Variants in PRKAR1B observed in about 807,000 individuals in gnomAD.
PRKAR1B encodes protein kinase cAMP-dependent type I regulatory subunit beta.
Under a neutral mutation model 46.5 loss-of-function variants are expected in PRKAR1B, and 22 were observed. The observed-to-expected ratio is 0.47, with a 90% confidence interval of 0.34 to 0.68. PRKAR1B has a LOEUF of 0.68. PRKAR1B is among the 30% of genes least tolerant of loss of function. The probability of loss-of-function intolerance (pLI) is 0.01; values close to 1 mark genes in which losing one functional copy is unlikely to be tolerated. For missense variants in PRKAR1B, 445 were observed against 535.6 expected (o/e 0.83, Z 1.67); for synonymous variants, 259 against 217.7 (o/e 1.19, Z -1.67).
intron 4 of PRKAR1B, among the ~76,000 whole-genome samples, chr7:652,200 C>T (rs1445610725): frequency 2.3e-5 from 3 of 132,338 alleles, no homozygotes; most frequent in Non-Finnish European, 3.2e-5. Flanking sequence ...ACCCGCACAG[C>T]GCTAGGAACC....
At chr7:647,067 G>A (rs1001663405) in intron 4 of PRKAR1B, among the ~76,000 whole-genome samples, 11 of 152,176 alleles carry the variant, frequency 7.2e-5, no homozygotes, top group East Asian at 5.8e-4. Context: ...GGCATGGGAC[G>A]CAACATGGCC....
At chr7:652,698 T>A (rs1242371687) in intron 4 of PRKAR1B, among the ~76,000 whole-genome samples, 1 of 152,256 alleles carries the variant, frequency 6.6e-6, no homozygotes, top group East Asian at 1.9e-4. Context: ...TTTTCCCAGC[T>A]TGCTGTCCAG....
intron 9 of PRKAR1B, among the ~76,000 whole-genome samples, chr7:557,263 C>T (rs1583196888): frequency 6.6e-6 from 1 of 152,246 alleles, no homozygotes; most frequent in Non-Finnish European, 1.5e-5. Context: ...GTCTCAGCCG[C>T]GTGACACCCG....
chr7:585,790 C>T (rs112770388), intron 7 of PRKAR1B, among the ~76,000 whole-genome samples: 7,263 of 152,170 alleles, frequency 0.048, 506 homozygotes, highest in African/African-American at 0.15. Flanking sequence ...ATAGGAACCA[C>T]GGAACCAAGA....
chr7:694,585 A>G (rs898896294), intron 2 of PRKAR1B, among the ~76,000 whole-genome samples: 1 of 150,682 alleles, frequency 6.6e-6, no homozygotes, highest in Admixed American at 6.6e-5. Flanking sequence ...TGCCACCTCC[A>G]TAGGAAGTTT....
chr7:642,459 C>T (rs556424027), intron 4 of PRKAR1B, among the ~76,000 whole-genome samples: 1 of 151,740 alleles, frequency 6.6e-6, no homozygotes, highest in East Asian at 1.9e-4. Context: ...GGCGCGGTGG[C>T]TCACGCCTGT....
Position 726,596 on chromosome 7 carries a change from G to A in PRKAR1B, c.-23+614C>T, listed in dbSNP as rs555292739. ...GAGCACGACAAGAGCACAGGCCCAC[G>A]TGCGCACCGGCGGGGAGGAAGTAGC... On this transcript the variant is annotated intron_variant, in intron 1 of 10. Transcript: ENST00000537384. 1.5e-3 allele frequency: 1,092 copies of A among 725,284 alleles called. 6 individuals carry two copies. The highest frequency in any genetic ancestry group is 0.012 in the Middle Eastern group (26 of 2,232). 44.9% of individuals were successfully genotyped at this position (725,284 alleles called of 1,614,324 possible). A position where few individuals can be genotyped will look rare whatever the true frequency, so the allele number is the denominator to read the frequency against.
intron 4 of PRKAR1B, among the ~76,000 whole-genome samples, chr7:657,101 GTGAATGCA>G (rs892125585): frequency 4.7e-5 from 7 of 150,268 alleles, no homozygotes; most frequent in Non-Finnish European, 8.9e-5. Flanking sequence ...GGATGCATGA[GTGAATGCA>G]TGGATGGATG....
chr7:607,105 G>T (rs1333911650), intron 5 of PRKAR1B, among the ~76,000 whole-genome samples: 1 of 152,110 alleles, frequency 6.6e-6, no homozygotes, highest in Non-Finnish European at 1.5e-5. Context: ...CCAGGTTCAA[G>T]CGATTCTCCT....
rs1444817955 is a variant in PRKAR1B at position 613,707 on chromosome 7, GA to G, written c.441-6256del. Among the ~76,000 whole-genome samples the G allele has an allele frequency of 2.0e-5, 3 of 152,324 alleles. No homozygotes were observed. The East Asian group carries it at 5.8e-4, about 29-fold the overall frequency. Reference sequence around the variant, plus strand: ...CCGACCAACACGGTACACCGAGGGTGAAAAAGCCACGACCAGGCCCACCTGG... The same window carrying G: ...CCGACCAACACGGTACACCGAGGGTGAAAAGCCACGACCAGGCCCACCTGG... On this transcript the variant is annotated intron_variant, in intron 4 of 10. Transcript: ENST00000537384.
At chr7:709,075 G>A (rs1267769368) in intron 2 of PRKAR1B, among the ~76,000 whole-genome samples, 1 of 129,538 alleles carries the variant, frequency 7.7e-6, no homozygotes, top group Non-Finnish European at 1.6e-5. Flanking sequence ...ACAGGTGTGA[G>A]CCACCGCACC....
intron 2 of PRKAR1B, among the ~76,000 whole-genome samples, chr7:696,357 C>T (rs1227229053): frequency 2.6e-5 from 4 of 151,942 alleles, no homozygotes; most frequent in Admixed American, 6.6e-5. Context: ...CTGCAGCCTC[C>T]GCCTCAAGGC....
In PRKAR1B at chr7:685,357, TATATATACACATATATATATATACATAC is replaced by T. The variant is rs1562615983; in HGVS notation, c.178-4659_178-4632del. On this transcript the variant is annotated intron_variant, in intron 2 of 10. Transcript: ENST00000537384. Reference sequence around the variant, plus strand: ...ATATACGTATATATATGTATACATATATATATACACATATATATATATACATACATATATATATATATATGTATATATA... The same window carrying T: ...ATATACGTATATATATGTATACATATATATATATATATATATGTATATATA... 7.4e-5 allele frequency among the ~76,000 whole-genome samples: 5 copies of T among 67,984 alleles called. 1 individual carries two copies. Among genetic ancestry groups the T allele is most frequent in the Admixed American group, 1.9e-4 (1 of 5,274 alleles). 44.6% of individuals were successfully genotyped at this position (67,984 alleles called of 152,430 possible). A position where few individuals can be genotyped will look rare whatever the true frequency, so the allele number is the denominator to read the frequency against.
At chr7:708,880 C>A (rs1434120115) in intron 2 of PRKAR1B, among the ~76,000 whole-genome samples, 1 of 151,362 alleles carries the variant, frequency 6.6e-6, no homozygotes, top group African/African-American at 2.4e-5. Context: ...CAACCTCCAC[C>A]TCCCGGGTTC....
At chr7:651,632 C>T (rs1427487960) in intron 4 of PRKAR1B, among the ~76,000 whole-genome samples, 1 of 151,920 alleles carries the variant, frequency 6.6e-6, no homozygotes, top group East Asian at 1.9e-4. Context: ...AGTTCACACC[C>T]ACACAGCGCT....
intron 9 of PRKAR1B, among the ~76,000 whole-genome samples, chr7:573,436 A>G (rs1779639377): frequency 6.6e-6 from 1 of 151,648 alleles, no homozygotes; most frequent in African/African-American, 2.4e-5. Context: ...GCCCCTCCTC[A>G]GAGCCTTTCC....
intron 9 of PRKAR1B, among the ~76,000 whole-genome samples, chr7:553,856 GC>G (rs1341080100): frequency 6.6e-6 from 1 of 152,274 alleles, no homozygotes; most frequent in Non-Finnish European, 1.5e-5. Flanking sequence ...CGGCCGTGGG[GC>G]CACTCGGCTC....
In PRKAR1B at chr7:694,181, G is replaced by T. The variant is rs191112423; in HGVS notation, c.178-13455C>A. Among the ~76,000 whole-genome samples, 669 of 152,154 alleles carry T rather than the reference G, an allele frequency of 4.4e-3. 6 individuals carry two copies. Among genetic ancestry groups the T allele is most frequent in the African/African-American group, 0.015 (631 of 41,502 alleles). On this transcript the variant is annotated intron_variant, in intron 2 of 10. Coordinates refer to ENST00000537384, the MANE Select transcript of PRKAR1B (RefSeq NM_001164760.2). ...GCGCCTGTAGTCCCAGCTACTCGGG[G>T]GGCTGAGGCAGGAGAATCACATGAA...
rs1276365417 is a variant in PRKAR1B at position 685,359 on chromosome 7, TATATACAC to T, written c.178-4641_178-4634del. ...ATACGTATATATATGTATACATATA[TATATACAC>T]ATATATATATATACATACATATATA... On this transcript the variant is annotated intron_variant, in intron 2 of 10. Transcript: ENST00000537384. Among the ~76,000 whole-genome samples the T allele has an allele frequency of 7.3e-4, 42 of 57,618 alleles. 8 individuals are homozygous for T. The highest frequency in any genetic ancestry group is 3.1e-3 in the African/African-American group (40 of 12,728). 37.8% of individuals were successfully genotyped at this position (57,618 alleles called of 152,430 possible). A position where few individuals can be genotyped will look rare whatever the true frequency, so the allele number is the denominator to read the frequency against.
Sources: allele counts gnomAD v4.1 joint callset (sites outside exome capture counted in the v4.1 genomes callset), GRCh38; gene constraint gnomAD v4.1.1; transcripts MANE v1.5; gene names NCBI Gene and HGNC (gene_info 2026-07-23, HGNC 2026-07-21).